Variants in FBXL17 observed in about 807,000 individuals in gnomAD.
FBXL17 encodes F-box/LRR-repeat protein 17.
Under a neutral mutation model 66.2 loss-of-function variants are expected in FBXL17, and 22 were observed. That is an observed-to-expected ratio of 0.33 (90% CI 0.24 to 0.47). The LOEUF is 0.47. FBXL17 is among the 20% of genes least tolerant of loss of function. The pLI is 1.00. For synonymous variants in FBXL17, 474 were observed against 400.5 expected (o/e 1.18, Z -2.19); for missense variants, 878 against 948.2 (o/e 0.93, Z 0.97).
chr5:108,098,152 C>T (rs1175977149), intron 6 of FBXL17, among the ~76,000 whole-genome samples: 1 of 152,058 alleles, frequency 6.6e-6, no homozygotes, highest in Admixed American at 6.5e-5. Flanking sequence ...TGATGATCAT[C>T]TTCTAAAAAA....
chr5:107,881,093 G>C lies in FBXL17; in HGVS notation c.1909C>G (p.Leu637Val). The C allele has an allele frequency of 6.2e-7, 1 of 1,614,060 alleles. No homozygotes were observed. Among genetic ancestry groups the C allele is most frequent in the Non-Finnish European group, 8.5e-7 (1 of 1,179,960 alleles). ...CKEITDQGAT[L>V]IAQSSKSLRY... Reference sequence around the variant, plus strand: ...AGAGACTTGCTGCTCTGTGCAATCAGGGTGGCTCCTTGGTCTGTGATTTCT... The same window carrying C: ...AGAGACTTGCTGCTCTGTGCAATCACGGTGGCTCCTTGGTCTGTGATTTCT... Residue 637 changes from leucine to valine, a missense_variant, in exon 8 of 9, where the codon CTG becomes GTG. Coordinates refer to ENST00000542267, the MANE Select transcript of FBXL17 (RefSeq NM_001163315.3).
chr5:108,260,033 AC>A (rs1257915598), intron 4 of FBXL17, among the ~76,000 whole-genome samples: 2 of 148,966 alleles, frequency 1.3e-5, no homozygotes, highest in African/African-American at 4.9e-5. Flanking sequence ...AAAAAAAAAA[AC>A]AAAAAAAAAA....
chr5:108,020,333 G>T (rs1207181768), intron 7 of FBXL17, among the ~76,000 whole-genome samples: 1 of 151,730 alleles, frequency 6.6e-6, no homozygotes, highest in Non-Finnish European at 1.5e-5. Context: ...TTATTACTGC[G>T]ACAATATGAC....
chr5:108,117,643 G>C (rs1178917043), intron 6 of FBXL17, among the ~76,000 whole-genome samples: 2 of 152,036 alleles, frequency 1.3e-5, no homozygotes, highest in African/African-American at 2.4e-5. Flanking sequence ...CAAAAGATGA[G>C]TATTTTTCAA....
At chr5:108,094,605 T>A (rs991069223) in intron 6 of FBXL17, among the ~76,000 whole-genome samples, 1 of 152,102 alleles carries the variant, frequency 6.6e-6, no homozygotes, top group Non-Finnish European at 1.5e-5. Context: ...CAAAAACAGG[T>A]CTGTGGACAA....
At chr5:108,302,040 G>C in intron 4 of FBXL17, 1 of 984,648 alleles carries the variant, frequency 1.0e-6, no homozygotes, top group Non-Finnish European at 1.2e-6. Flanking sequence ...ATTTCTGTGC[G>C]CCAACCCATC....
chr5:107,963,909 A>T (rs901715040), intron 7 of FBXL17, among the ~76,000 whole-genome samples: 24 of 152,308 alleles, frequency 1.6e-4, no homozygotes, highest in African/African-American at 5.8e-4. Flanking sequence ...TAATGAGGTT[A>T]ATCATCAGAT....
chr5:108,221,607 C>T (rs1580641816), intron 5 of FBXL17, among the ~76,000 whole-genome samples: 2 of 152,200 alleles, frequency 1.3e-5, no homozygotes, highest in African/African-American at 4.8e-5. Context: ...CATATTTAGG[C>T]TGATAACTCT....
At chr5:108,141,939 T>C (rs1751366764) in intron 6 of FBXL17, among the ~76,000 whole-genome samples, 1 of 152,216 alleles carries the variant, frequency 6.6e-6, no homozygotes, top group South Asian at 2.1e-4. Context: ...TGCTCTCTGA[T>C]ATACTTCCAG....
chr5:108,080,328 AATG>A (rs143649471), intron 6 of FBXL17, among the ~76,000 whole-genome samples: 225 of 152,360 alleles, frequency 1.5e-3, no homozygotes, highest in African/African-American at 5.3e-3. Flanking sequence ...CTCTGAAATT[AATG>A]TTTTCAACCA....
At chr5:108,016,140 A>G (rs2112751534) in intron 7 of FBXL17, among the ~76,000 whole-genome samples, 1 of 152,376 alleles carries the variant, frequency 6.6e-6, no homozygotes, top group Non-Finnish European at 1.5e-5. Context: ...AATCATAATC[A>G]TGGACAAAGT....
chr5:108,110,695 A>G (rs1749998673), intron 6 of FBXL17, among the ~76,000 whole-genome samples: 1 of 152,042 alleles, frequency 6.6e-6, no homozygotes, highest in Non-Finnish European at 1.5e-5. Flanking sequence ...TATGAGAATC[A>G]TAACCTGCCA....
intron 6 of FBXL17, among the ~76,000 whole-genome samples, chr5:108,107,591 T>A (rs930380300): frequency 6.6e-6 from 1 of 151,806 alleles, no homozygotes; most frequent in Non-Finnish European, 1.5e-5. Flanking sequence ...GGCGGGCAGA[T>A]CACGAGGTCA....
At chr5:107,992,228 T>A (rs10035207) in intron 7 of FBXL17, among the ~76,000 whole-genome samples, 20,504 of 152,034 alleles carry the variant, frequency 0.13, 1,450 homozygotes, top group East Asian at 0.16. Flanking sequence ...CTTTACAGAG[T>A]TTAATGATCA....
intron 7 of FBXL17, among the ~76,000 whole-genome samples, chr5:107,895,498 T>C (rs1353181709): frequency 5.3e-5 from 8 of 152,150 alleles, no homozygotes; most frequent in Non-Finnish European, 7.4e-5. Context: ...CATTGTTCTG[T>C]AGCAATTTAT....
At chr5:108,215,512 A>C (rs1284189887) in intron 5 of FBXL17, among the ~76,000 whole-genome samples, 1 of 152,186 alleles carries the variant, frequency 6.6e-6, no homozygotes, top group Non-Finnish European at 1.5e-5. Flanking sequence ...AGCCAAGTAT[A>C]TCTTCTCTGG....
chr5:108,140,128 C>T (rs559132746), intron 6 of FBXL17, among the ~76,000 whole-genome samples: 1 of 152,282 alleles, frequency 6.6e-6, no homozygotes, highest in South Asian at 2.1e-4. Context: ...TCACTGCAAC[C>T]TCTGCCTCCT....
intron 7 of FBXL17, among the ~76,000 whole-genome samples, chr5:107,893,221 A>G (rs1749260088): frequency 6.6e-6 from 1 of 152,206 alleles, no homozygotes; most frequent in Admixed American, 6.6e-5. Context: ...GTTGAGGTGC[A>G]TAGAATAAAC....
At chr5:108,363,953 A>G (rs1318554224) in intron 3 of FBXL17, among the ~76,000 whole-genome samples, 1 of 152,050 alleles carries the variant, frequency 6.6e-6, no homozygotes, top group Admixed American at 6.6e-5. Context: ...AATCCTGTAC[A>G]TAGCAGAAAT....
Sources: allele counts gnomAD v4.1 joint callset (sites outside exome capture counted in the v4.1 genomes callset), GRCh38; gene constraint gnomAD v4.1.1; transcripts MANE v1.5; gene names NCBI Gene and HGNC (gene_info 2026-07-23, HGNC 2026-07-21).